Variants in IL21R observed in about 807,000 individuals in gnomAD.
IL21R encodes the protein interleukin-21 receptor.
Under a neutral mutation model 41.3 loss-of-function variants are expected in IL21R, and 14 were observed. That is an observed-to-expected ratio of 0.34 (90% CI 0.22 to 0.53). IL21R has a LOEUF of 0.53. Among genes scored for constraint, IL21R ranks in the 20% least tolerant of loss-of-function variants. IL21R has a pLI of 0.94. For missense variants in IL21R, 588 were observed against 681.6 expected, an observed-to-expected ratio of 0.86 and a Z score of 1.53; for synonymous variants, 286 against 287.6, an observed-to-expected ratio of 0.99 and a Z score of 0.05.
rs1311232848 is a variant in IL21R at position 27,451,780 on chromosome 16, G to C, written c.*2497G>C. 4.3e-6 allele frequency: 1 copy of C among 230,948 alleles called. No individual in the cohort carries two copies. The highest frequency in any genetic ancestry group is 8.6e-6 in the Non-Finnish European group (1 of 116,634). 14.3% of individuals were successfully genotyped at this position (230,948 alleles called of 1,614,324 possible). ...TGAAAGGAGGGATTAGTAGGTAGGA[G>C]GGTGGATGGAGGATGGATGGATGTG... is the stretch of plus-strand genomic sequence containing the variant. On this transcript the variant is annotated 3_prime_UTR_variant, in exon 9 of 9. Transcript: ENST00000337929.
intron 1 of IL21R, among the ~76,000 whole-genome samples, chr16:27,423,385 A>G (rs372828805): frequency 6.6e-6 from 1 of 152,212 alleles, no homozygotes; most frequent in African/African-American, 2.4e-5. Flanking sequence ...TAGTTTGAAC[A>G]TACAAAAGGG....
intron 4 of IL21R, among the ~76,000 whole-genome samples, chr16:27,440,248 T>TATATAGAGAG (rs1352160946): frequency 0.01 from 642 of 63,974 alleles, 10 homozygotes; most frequent in Non-Finnish European, 0.011. Flanking sequence ...TATATATATA[T>TATATAGAGAG]AGAGAGAGAG....
At chr16:27,433,495 A>G (rs1432309011) in intron 2 of IL21R, among the ~76,000 whole-genome samples, 4 of 152,200 alleles carry the variant, frequency 2.6e-5, no homozygotes, top group Admixed American at 2.0e-4. Flanking sequence ...ACAAGTTTCT[A>G]GTAAATAGCA....
chr16:27,420,455 C>T (rs1214477696), intron 1 of IL21R, among the ~76,000 whole-genome samples: 2 of 152,184 alleles, frequency 1.3e-5, no homozygotes. Flanking sequence ...CATTCTCACC[C>T]TCCGCCCCCT....
rs35044665 is a variant in IL21R at position 27,449,458 on chromosome 16, ATGTG to A, written c.*191_*194del. 2.6e-4 allele frequency: 155 copies of A among 599,060 alleles called. No homozygotes were observed. The highest frequency in any genetic ancestry group is 1.8e-3 in the Middle Eastern group (4 of 2,196). The allele number at this position is 599,060 out of a possible 1,614,324, so 37.1% of individuals were successfully genotyped here. Reference sequence around the variant, plus strand: ...TGCATATGTGTGTGTGTGCATATGCATGTGTGTGTGTGTGTGTGTCTTAGGTGCG... The same window carrying A: ...TGCATATGTGTGTGTGTGCATATGCATGTGTGTGTGTGTGTCTTAGGTGCG... On this transcript the variant is annotated 3_prime_UTR_variant, in exon 9 of 9. Transcript: ENST00000337929.
intron 1 of IL21R, among the ~76,000 whole-genome samples, chr16:27,418,052 T>G (rs192720629): frequency 1.6e-5 from 2 of 123,474 alleles, no homozygotes; most frequent in Non-Finnish European, 1.7e-5. Context: ...TTTATTTTAT[T>G]TTATTTTATT....
At chr16:27,407,306 C>T (rs186801901) in intron 1 of IL21R, among the ~76,000 whole-genome samples, 11 of 152,280 alleles carry the variant, frequency 7.2e-5, no homozygotes, top group African/African-American at 2.6e-4. Flanking sequence ...ATTTACAAAA[C>T]GATTCCTCAT....
intron 1 of IL21R, among the ~76,000 whole-genome samples, chr16:27,418,243 G>A (rs1391397795): frequency 1.3e-5 from 2 of 150,030 alleles, no homozygotes; most frequent in African/African-American, 2.5e-5. Flanking sequence ...CTAATTTTTT[G>A]TATTTTTAGT....
intron 4 of IL21R, among the ~76,000 whole-genome samples, chr16:27,439,610 C>A (rs62032076): frequency 6.8e-6 from 1 of 146,984 alleles, no homozygotes; most frequent in Admixed American, 6.6e-5. Flanking sequence ...TTCTCACACA[C>A]GTGTACACTC....
At position 27,449,328 on chromosome 16, in the gene IL21R, G is replaced by A. The variant is rs1254951251; in HGVS notation, c.*45G>A. 13 of 1,526,414 alleles carry A rather than the reference G, an allele frequency of 8.5e-6. No homozygotes were observed. In the East Asian group the frequency reaches 2.9e-4, roughly 35 times the overall value. 94.6% of individuals were successfully genotyped at this position (1,526,414 alleles called of 1,614,324 possible). A position where few individuals can be genotyped will look rare whatever the true frequency, so the allele number is the denominator to read the frequency against. On this transcript the variant is annotated 3_prime_UTR_variant, in exon 9 of 9. Coordinates refer to ENST00000337929, the MANE Select transcript of IL21R (RefSeq NM_181078.3). ...AGAGCTGGCCAGGCCACTGGGCCCT[G>A]AGCCAGAGACAAGGTCACCTGGGCT...
intron 1 of IL21R, among the ~76,000 whole-genome samples, chr16:27,410,433 CTGTT>C (rs772387519): frequency 6.6e-6 from 1 of 151,920 alleles, no homozygotes; most frequent in Non-Finnish European, 1.5e-5. Flanking sequence ...AATTTCTTGA[CTGTT>C]TGTAGTGTAC....
chr16:27,423,231 G>GT (rs35803575), intron 1 of IL21R, among the ~76,000 whole-genome samples: 32,694 of 148,204 alleles, frequency 0.22, 4,702 homozygotes, highest in African/African-American at 0.42. Flanking sequence ...CTCTTGTGCA[G>GT]TTTTTTTTTT....
chr16:27,427,033 G>T (rs766728618), intron 1 of IL21R, among the ~76,000 whole-genome samples: 3 of 152,096 alleles, frequency 2.0e-5, no homozygotes, highest in Non-Finnish European at 4.4e-5. Flanking sequence ...GTCTCTAAGA[G>T]GTGACAAAGA....
In IL21R at chr16:27,450,351, G is replaced by A. The variant is rs2087570601; in HGVS notation, c.*1068G>A. The stretch of plus-strand genomic sequence containing the variant: ...CCATGGCTCATGGGACCCACCCCCC[G>A]TGGCACTCATGGAGGGGGCTGCAGG... On this transcript the variant is annotated 3_prime_UTR_variant, in exon 9 of 9. Coordinates refer to ENST00000337929, the MANE Select transcript of IL21R (RefSeq NM_181078.3). The A allele has an allele frequency of 4.3e-6, 1 of 231,678 alleles. No homozygotes were observed. Among genetic ancestry groups the A allele is most frequent in the Admixed American group, 5.6e-5 (1 of 17,746 alleles). 14.4% of individuals were successfully genotyped at this position (231,678 alleles called of 1,614,324 possible). A position where few individuals can be genotyped will look rare whatever the true frequency, so the allele number is the denominator to read the frequency against.
intron 4 of IL21R, among the ~76,000 whole-genome samples, chr16:27,440,248 T>TATATATATATATATATATATAGAG (rs1352160946): frequency 4.7e-5 from 3 of 64,022 alleles, no homozygotes; most frequent in Non-Finnish European, 5.3e-5. Flanking sequence ...TATATATATA[T>TATATATATATATATATATATAGAG]AGAGAGAGAG....
chr16:27,420,277 T>C (rs1055718248), intron 1 of IL21R, among the ~76,000 whole-genome samples: 9 of 152,220 alleles, frequency 5.9e-5, no homozygotes, highest in South Asian at 2.1e-4. Context: ...AAGTGTTGTG[T>C]CATGACGTCA....
intron 5 of IL21R, among the ~76,000 whole-genome samples, chr16:27,444,217 T>C (rs2087438292): frequency 6.6e-6 from 1 of 151,950 alleles, no homozygotes; most frequent in Non-Finnish European, 1.5e-5. Context: ...AAAGTATGCA[T>C]TGCCTGGAAT....
intron 3 of IL21R, 57 bp from the exon 4 acceptor site, chr16:27,437,431 A>T: frequency 6.9e-7 from 1 of 1,440,110 alleles, no homozygotes; most frequent in Non-Finnish European, 9.7e-7. Flanking sequence ...CACTGAGCCC[A>T]CCACCATCCC....
At position 27,448,771 on chromosome 16, in the gene IL21R, C is replaced by A. The variant is rs771285932; in HGVS notation, c.1105C>A (p.Arg369=). Reference sequence around the variant, plus strand: ...CTCAGCTTACAGTGAGGAGAGGGATCGGCCATACGGCCTGGTGTCCATTGA... The same window carrying A: ...CTCAGCTTACAGTGAGGAGAGGGATAGGCCATACGGCCTGGTGTCCATTGA... ...GGSAYSEERD[R]PYGLVSIDTV... Residue 369 remains arginine, a synonymous_variant, in exon 9 of 9, where the codon CGG becomes AGG. Transcript: ENST00000337929. The A allele has an allele frequency of 1.2e-6, 2 of 1,613,606 alleles. No homozygotes were observed. The highest frequency in any genetic ancestry group is 1.1e-5 in the South Asian group (1 of 91,090).
Sources: gnomAD v4.1 joint callset for allele counts (sites outside exome capture counted in the v4.1 genomes callset) on GRCh38, gnomAD v4.1.1 for gene constraint, MANE v1.5 for transcripts, NCBI Gene and HGNC (gene_info 2026-07-23, HGNC 2026-07-21) for gene names.